The following TENM3 variants were observed in gnomAD, a reference collection of about 807,000 sequenced individuals.
TENM3 encodes the protein teneurin-3.
Under a neutral mutation model 255.1 loss-of-function variants are expected in TENM3, and 63 were observed. The observed-to-expected ratio is 0.25, with a 90% CI of 0.20 to 0.30. The LOEUF (loss-of-function observed/expected upper bound fraction) is 0.30, where lower values mean the gene tolerates loss of function less well. TENM3 is among the 10% of genes least tolerant of loss of function. TENM3 has a pLI of 1.00. For synonymous variants in TENM3, 1,306 were observed against 1,322.3 expected (o/e 0.99, Z 0.27); for missense variants, 2,929 against 3,461.1 (o/e 0.85, Z 3.86).
the TENM3 span, among the ~76,000 whole-genome samples, chr4:181,481,715 T>G: frequency 1.3e-5 from 2 of 152,190 alleles, no homozygotes; most frequent in Non-Finnish European, 2.9e-5. Context: ...TCAGGTCTAT[T>G]GCTCACTCTC....
intron 24 of TENM3, among the ~76,000 whole-genome samples, chr4:182,785,380 A>G (rs1765558606): frequency 6.6e-6 from 1 of 151,838 alleles, no homozygotes; most frequent in African/African-American, 2.4e-5. Flanking sequence ...TCTTAACCTG[A>G]TATTTTTAAT....
chr4:181,454,682 C>CT, the TENM3 span, among the ~76,000 whole-genome samples: 5 of 148,250 alleles, frequency 3.4e-5, no homozygotes, highest in African/African-American at 1.0e-4. Flanking sequence ...CATTTTTATA[C>CT]TTTTTTTTTC....
chr4:182,096,642 G>A, the TENM3 span, among the ~76,000 whole-genome samples: 38 of 152,276 alleles, frequency 2.5e-4, 2 homozygotes, highest in South Asian at 7.7e-3. Flanking sequence ...TTACTGAAAT[G>A]ATGACTTGAC....
At chr4:182,048,697 C>G in the TENM3 span, among the ~76,000 whole-genome samples, 2 of 152,168 alleles carry the variant, frequency 1.3e-5, no homozygotes, top group South Asian at 4.1e-4. Context: ...AAATCCCTCT[C>G]AGACACTGTT....
rs563267815 is a variant in TENM3, at chr4:182,744,647, T to G, written c.3629+1228T>G. ...TAAAACATACGATTATGTGAACATG[T>G]GGCTTGGCAGAGTGAGAGGCCCCAA... On this transcript the variant is annotated intron_variant, in intron 19 of 27. Coordinates refer to ENST00000511685, the MANE Select transcript of TENM3 (RefSeq NM_001080477.4). Among the ~76,000 whole-genome samples the G allele has an allele frequency of 3.3e-5, 5 of 152,340 alleles. 1 individual carries two copies. The East Asian group carries it at 7.7e-4, about 23-fold the overall frequency.
the TENM3 span, among the ~76,000 whole-genome samples, chr4:181,795,892 G>A: frequency 6.6e-6 from 1 of 152,220 alleles, no homozygotes; most frequent in East Asian, 1.9e-4. Context: ...GATGTCTCTG[G>A]TACCTAGGCA....
chr4:181,610,867 C>T, the TENM3 span, among the ~76,000 whole-genome samples: 6 of 152,010 alleles, frequency 3.9e-5, no homozygotes, highest in South Asian at 4.2e-4. Context: ...CACTGTTCTC[C>T]GACCAAAAGA....
the TENM3 span, among the ~76,000 whole-genome samples, chr4:181,496,660 T>C: frequency 1.3e-5 from 2 of 152,204 alleles, no homozygotes; most frequent in Non-Finnish European, 2.9e-5. Context: ...TACTATGGCG[T>C]GTGTTTGAAG....
At chr4:182,079,935 A>G in the TENM3 span, 1 of 152,492 alleles carries the variant, frequency 6.6e-6, no homozygotes, top group African/African-American at 2.4e-5. Context: ...CTACATGTCA[A>G]GAATCCTTTG....
At chr4:181,465,571 C>A in the TENM3 span, among the ~76,000 whole-genome samples, 1 of 152,268 alleles carries the variant, frequency 6.6e-6, no homozygotes, top group Admixed American at 6.5e-5. Context: ...AAAATAGTTA[C>A]ATAAATGTTA....
At chr4:182,032,975 A>G in the TENM3 span, among the ~76,000 whole-genome samples, 131 of 148,080 alleles carry the variant, frequency 8.8e-4, no homozygotes, top group South Asian at 4.6e-3. Context: ...CTATTTTATT[A>G]ATTTTTTCAA....
chr4:181,979,283 G>A, the TENM3 span, among the ~76,000 whole-genome samples: 1 of 150,732 alleles, frequency 6.6e-6, no homozygotes, highest in Non-Finnish European at 1.5e-5. Context: ...TATGGAAGCT[G>A]TCTGGTGGCC....
chr4:181,917,789 G>C, the TENM3 span, among the ~76,000 whole-genome samples: 2 of 151,210 alleles, frequency 1.3e-5, no homozygotes, highest in African/African-American at 4.9e-5. Flanking sequence ...AACCTCCCGA[G>C]AGGCCGGGAC....
rs150911619 is a variant in TENM3, at chr4:182,447,780, T to C, written c.511+100851T>C. Among the ~76,000 whole-genome samples the C allele has an allele frequency of 2.9e-3, 443 of 152,194 alleles. 5 individuals carry two copies. Among genetic ancestry groups the C allele is most frequent in the Middle Eastern group, 0.014 (4 of 294 alleles). On this transcript the variant is annotated intron_variant, in intron 3 of 27. Coordinates refer to ENST00000511685, the MANE Select transcript of TENM3 (RefSeq NM_001080477.4). The stretch of plus-strand genomic sequence containing the variant: ...TATAAAAATGAGAGGTTTGGAGGGA[T>C]TGGAAGAAAGCACCGGTGAATCTAA...
intron 22 of TENM3, among the ~76,000 whole-genome samples, chr4:182,764,032 AATC>A (rs1763448113): frequency 6.6e-6 from 1 of 152,246 alleles, no homozygotes; most frequent in African/African-American, 2.4e-5. Flanking sequence ...AAGCATAGGT[AATC>A]CCATATGGGA....
At chr4:181,673,845 G>GGTGTGT in the TENM3 span, among the ~76,000 whole-genome samples, 635 of 137,382 alleles carry the variant, frequency 4.6e-3, 3 homozygotes, top group African/African-American at 0.01. Flanking sequence ...AGAAGTGTGT[G>GGTGTGT]GTGTGTGTGT....
intron 3 of TENM3, among the ~76,000 whole-genome samples, chr4:182,351,403 C>G (rs1205234690): frequency 6.6e-6 from 1 of 152,176 alleles, no homozygotes; most frequent in Non-Finnish European, 1.5e-5. Flanking sequence ...GTCACAGGTG[C>G]CTGGATTTGG....
chr4:181,988,783 C>T, the TENM3 span, among the ~76,000 whole-genome samples: 3 of 151,458 alleles, frequency 2.0e-5, no homozygotes, highest in Admixed American at 2.0e-4. Flanking sequence ...CAAAAAGGGG[C>T]CTGCTCTTAT....
At chr4:182,730,086 G>A (rs929157771) in intron 14 of TENM3, 114 bp from the exon 15 acceptor site, 17 of 1,286,668 alleles carry the variant, frequency 1.3e-5, no homozygotes, top group African/African-American at 1.2e-4. Flanking sequence ...TGTGAATAAC[G>A]ATGGATTGCA....
Sources: allele counts gnomAD v4.1 joint callset (sites outside exome capture counted in the v4.1 genomes callset), GRCh38; gene constraint gnomAD v4.1.1; transcripts MANE v1.5; gene names NCBI Gene and HGNC (gene_info 2026-07-23, HGNC 2026-07-21).